GALNT17: variants seen among roughly 807,000 people sequenced by gnomAD.
The protein encoded by GALNT17 is polypeptide N-acetylgalactosaminyltransferase 17.
GALNT17 carries 29 observed loss-of-function variants against 63.7 expected under a neutral mutation model. The observed-to-expected ratio is 0.46, with a 90% CI of 0.34 to 0.62. The LOEUF (loss-of-function observed/expected upper bound fraction) is 0.62. Among genes scored for constraint, GALNT17 ranks in the 20% least tolerant of loss-of-function variants. The pLI is 0.01. For synonymous variants in GALNT17, 305 were observed against 318.3 expected, an observed-to-expected ratio of 0.96 and a Z score of 0.45; for missense variants, 603 against 799.6, an observed-to-expected ratio of 0.75 and a Z score of 2.97.
chr7:71,406,659 A>G (rs1793333856), intron 3 of GALNT17, among the ~76,000 whole-genome samples: 1 of 151,948 alleles, frequency 6.6e-6, no homozygotes. Context: ...TAGTCTTTGT[A>G]GGGCTGCTTT....
At chr7:71,462,976 A>G (rs978957653) in intron 5 of GALNT17, among the ~76,000 whole-genome samples, 1 of 152,292 alleles carries the variant, frequency 6.6e-6, no homozygotes, top group East Asian at 1.9e-4. Context: ...TGCAGCAGAC[A>G]AAAAGGTTTA....
intron 9 of GALNT17, among the ~76,000 whole-genome samples, chr7:71,699,353 G>C (rs1263516874): frequency 6.6e-6 from 1 of 151,648 alleles, no homozygotes; most frequent in Non-Finnish European, 1.5e-5. Context: ...TGGTGCACCT[G>C]TAGTCCCAGC....
chr7:71,458,012 A>G (rs939374886), intron 5 of GALNT17, among the ~76,000 whole-genome samples: 1 of 152,026 alleles, frequency 6.6e-6, no homozygotes, highest in Non-Finnish European at 1.5e-5. Flanking sequence ...CCACTCTTTG[A>G]AGCCACGCTG....
At chr7:71,433,249 A>G (rs1304057558) in intron 5 of GALNT17, among the ~76,000 whole-genome samples, 1 of 152,196 alleles carries the variant, frequency 6.6e-6, no homozygotes, top group East Asian at 1.9e-4. Flanking sequence ...CAGAGCCCAG[A>G]CTCACCCCAC....
chr7:71,387,654 G>T (rs965868066), intron 2 of GALNT17, among the ~76,000 whole-genome samples: 1 of 152,112 alleles, frequency 6.6e-6, no homozygotes, highest in Non-Finnish European at 1.5e-5. Context: ...AGAGATTTAG[G>T]GGGTGGAGTA....
chr7:71,540,093 CTTTTTTTTTTTTTTTT>C (rs71089954), intron 5 of GALNT17, among the ~76,000 whole-genome samples: 2 of 33,550 alleles, frequency 6.0e-5, no homozygotes, highest in African/African-American at 2.0e-4. Context: ...TGTGCCTGGC[CTTTTTTTTTTTTTTTT>C]TTTTTTTTTT....
At chr7:71,536,519 G>A (rs1427145454) in intron 5 of GALNT17, among the ~76,000 whole-genome samples, 1 of 152,168 alleles carries the variant, frequency 6.6e-6, no homozygotes, top group Non-Finnish European at 1.5e-5. Flanking sequence ...GGAGGTGAAA[G>A]GCACTTCTTA....
chr7:71,626,256 G>A lies in GALNT17; in HGVS notation c.1081-39155G>A, dbSNP rs1398683285. On this transcript the variant is annotated intron_variant, in intron 6 of 10. Transcript: ENST00000333538. ...AGATTCTGTCAAAAAAAAAAAAAAA[G>A]AAGGGACACAGACACACACAAAGGC... Among the ~76,000 whole-genome samples, 694 of 117,854 alleles carry A rather than the reference G, an allele frequency of 5.9e-3. 13 individuals carry two copies. Among genetic ancestry groups the A allele is most frequent in the African/African-American group, 0.019 (666 of 35,408 alleles). 77.3% of individuals were successfully genotyped at this position (117,854 alleles called of 152,430 possible).
intron 1 of GALNT17, among the ~76,000 whole-genome samples, chr7:71,286,583 C>T (rs1454446924): frequency 2.0e-5 from 3 of 152,004 alleles, no homozygotes; most frequent in East Asian, 1.9e-4. Context: ...GAGCCTTTGC[C>T]GCAGCAGGCT....
intron 1 of GALNT17, among the ~76,000 whole-genome samples, chr7:71,222,561 G>A (rs1472032476): frequency 6.6e-6 from 1 of 152,120 alleles, no homozygotes; most frequent in Non-Finnish European, 1.5e-5. Flanking sequence ...CAAAGTGCTG[G>A]GATTATAGGA....
At position 71,661,144 on chromosome 7, in the gene GALNT17, G is replaced by C. The variant is rs115681798; in HGVS notation, c.1081-4267G>C. On this transcript the variant is annotated intron_variant, in intron 6 of 10. Coordinates refer to ENST00000333538, the MANE Select transcript of GALNT17 (RefSeq NM_022479.3). ...CAGAGGCACCAACCAGGCACCCAGA[G>C]TGAGGGACAGGGCTGTGACTGAAGA... Among the ~76,000 whole-genome samples the C allele has an allele frequency of 1.8e-3, 277 of 152,326 alleles. 1 individual carries two copies. Among genetic ancestry groups the C allele is most frequent in the African/African-American group, 6.4e-3 (267 of 41,568 alleles).
chr7:71,631,675 G>A (rs1038332195), intron 6 of GALNT17, among the ~76,000 whole-genome samples: 2 of 152,152 alleles, frequency 1.3e-5, no homozygotes, highest in African/African-American at 4.8e-5. Context: ...GAGGAGATAA[G>A]GGAAGGAAGG....
chr7:71,403,469 T>C (rs914811847), intron 3 of GALNT17, among the ~76,000 whole-genome samples: 2 of 152,232 alleles, frequency 1.3e-5, no homozygotes, highest in African/African-American at 4.8e-5. Context: ...TGATGTTATA[T>C]AGCTCGATAG....
chr7:71,227,209 CA>C (rs1332537591), intron 1 of GALNT17, among the ~76,000 whole-genome samples: 2 of 126,036 alleles, frequency 1.6e-5, no homozygotes, highest in Non-Finnish European at 3.4e-5. Context: ...AAGCAAAATG[CA>C]AAAATTAGCT....
intron 1 of GALNT17, among the ~76,000 whole-genome samples, chr7:71,259,641 T>TG (rs1790348584): frequency 6.8e-6 from 1 of 146,586 alleles, no homozygotes; most frequent in African/African-American, 2.6e-5. Flanking sequence ...GTTTTTTGTT[T>TG]TTTTGTTTTT....
chr7:71,635,102 G>A (rs1790510032), intron 6 of GALNT17, among the ~76,000 whole-genome samples: 1 of 151,370 alleles, frequency 6.6e-6, no homozygotes, highest in Non-Finnish European at 1.5e-5. Context: ...AGCTACTCAG[G>A]AGGCTGAGGC....
chr7:71,669,072 G>A (rs932604433), intron 7 of GALNT17, among the ~76,000 whole-genome samples: 8 of 152,176 alleles, frequency 5.3e-5, no homozygotes, highest in Admixed American at 3.3e-4. Context: ...AATGTAGGTC[G>A]TCAACATCAG....
chr7:71,712,355 G>A lies in GALNT17; in HGVS notation c.*209G>A. ...CTGCCCACAAGTTTCCTGCACCCTGGAAAAGCCCCCCACCCTTCCTCTGGG... is the reference window on the plus strand; with the variant it reads ...CTGCCCACAAGTTTCCTGCACCCTGAAAAAGCCCCCCACCCTTCCTCTGGG... On this transcript the variant is annotated 3_prime_UTR_variant, in exon 11 of 11. Transcript: ENST00000333538. 2 of 487,652 alleles carry A rather than the reference G, an allele frequency of 4.1e-6. No homozygotes were observed. Among genetic ancestry groups the A allele is most frequent in the South Asian group, 4.8e-5 (2 of 41,538 alleles). 30.2% of individuals were successfully genotyped at this position (487,652 alleles called of 1,614,324 possible). A position where few individuals can be genotyped will look rare whatever the true frequency, so the allele number is the denominator to read the frequency against.
At chr7:71,376,425 GTTTTTTTTTTTTTTT>G (rs57171551) in intron 2 of GALNT17, among the ~76,000 whole-genome samples, 2 of 63,338 alleles carry the variant, frequency 3.2e-5, no homozygotes, top group African/African-American at 6.2e-5. Flanking sequence ...GTTTGGAGTT[GTTTTTTTTTTTTTTT>G]TTTTTTTTTT....
Sources: allele counts gnomAD v4.1 joint callset (sites outside exome capture counted in the v4.1 genomes callset), GRCh38; gene constraint gnomAD v4.1.1; transcripts MANE v1.5; gene names NCBI Gene and HGNC (gene_info 2026-07-23, HGNC 2026-07-21).